The following SPIDR variants were observed in gnomAD, a reference collection of about 807,000 sequenced individuals.
The protein encoded by SPIDR is scaffold protein involved in DNA repair.
Under a neutral mutation model 104.6 loss-of-function variants are expected in SPIDR, and 93 were observed. The observed-to-expected ratio is 0.89, with a 90% CI of 0.75 to 1.06. The LOEUF (loss-of-function observed/expected upper bound fraction) is 1.06. Ranked by LOEUF, SPIDR falls within the 50% of genes least tolerant of loss-of-function variation. The probability of loss-of-function intolerance (pLI) is 0.00; values close to 1 mark genes in which losing one functional copy is unlikely to be tolerated. For missense variants in SPIDR, 1,154 were observed against 1,111.2 expected, an observed-to-expected ratio of 1.04 and a Z score of -0.55; for synonymous variants, 431 against 416.9, an observed-to-expected ratio of 1.03 and a Z score of -0.41.
chr8:47,511,015 G>A, intron 8 of SPIDR: 1 of 745,952 alleles, frequency 1.3e-6, no homozygotes, highest in Admixed American at 1.9e-5. Flanking sequence ...AGAGAGGCCA[G>A]GCAGCTGCCT....
intron 16 of SPIDR, among the ~76,000 whole-genome samples, chr8:47,715,184 G>C (rs971429314): frequency 1.3e-5 from 2 of 149,670 alleles, no homozygotes; most frequent in Non-Finnish European, 3.0e-5. Context: ...TTTTGTTTTT[G>C]TTTTTGTTTT....
chr8:47,377,990 A>G (rs1368740940), intron 5 of SPIDR, among the ~76,000 whole-genome samples: 1 of 152,242 alleles, frequency 6.6e-6, no homozygotes, highest in Non-Finnish European at 1.5e-5. Flanking sequence ...ATATGATTCT[A>G]TAAATCAAGC....
At chr8:47,707,705 T>G (rs953566170) in intron 14 of SPIDR, among the ~76,000 whole-genome samples, 1 of 152,240 alleles carries the variant, frequency 6.6e-6, no homozygotes, top group Non-Finnish European at 1.5e-5. Context: ...TCTTTTGTGT[T>G]CTTTTCCAGA....
intron 7 of SPIDR, among the ~76,000 whole-genome samples, chr8:47,428,583 G>A (rs1471942559): frequency 6.6e-6 from 1 of 152,076 alleles, no homozygotes; most frequent in African/African-American, 2.4e-5. Flanking sequence ...TTTCTCTGGG[G>A]ATTTTTTTAT....
intron 8 of SPIDR, among the ~76,000 whole-genome samples, chr8:47,484,034 A>G (rs1166466416): frequency 3.3e-5 from 5 of 152,176 alleles, no homozygotes; most frequent in Admixed American, 6.5e-5. Flanking sequence ...AACGATTTCT[A>G]TGATTGTCTA....
intron 5 of SPIDR, among the ~76,000 whole-genome samples, chr8:47,319,955 G>C (rs868994202): frequency 4.6e-5 from 7 of 151,892 alleles, no homozygotes; most frequent in African/African-American, 1.7e-4. Flanking sequence ...GCAGTGTGTA[G>C]AGGGAAATTT....
chr8:47,261,055 G>A, intron 1 of SPIDR, 64 bp downstream of exon 1: 7 of 1,223,920 alleles, frequency 5.7e-6, no homozygotes, highest in Non-Finnish European at 7.1e-6. Flanking sequence ...CGGCGGGCCG[G>A]CGCGGGGCTG....
chr8:47,545,695 A>G (rs1011561345), intron 8 of SPIDR, among the ~76,000 whole-genome samples: 4 of 152,142 alleles, frequency 2.6e-5, no homozygotes, highest in Non-Finnish European at 5.9e-5. Context: ...GAGAATAGAC[A>G]TTCTGGCTTG....
chr8:47,574,353 T>C (rs1352307292), intron 8 of SPIDR, among the ~76,000 whole-genome samples: 1 of 152,218 alleles, frequency 6.6e-6, no homozygotes, highest in Non-Finnish European at 1.5e-5. Flanking sequence ...TTTTTCCCTT[T>C]TTATTCTCAG....
chr8:47,262,781 C>T (rs1785591701), intron 1 of SPIDR, among the ~76,000 whole-genome samples: 1 of 152,174 alleles, frequency 6.6e-6, no homozygotes, highest in Non-Finnish European at 1.5e-5. Flanking sequence ...AGGCTGGCTT[C>T]CACAGTATTT....
chr8:47,701,198 C>T (rs1370770651), intron 12 of SPIDR, among the ~76,000 whole-genome samples: 2 of 152,164 alleles, frequency 1.3e-5, no homozygotes, highest in Admixed American at 6.5e-5. Context: ...CTTGGGAGGC[C>T]GAGGCAGGCA....
At chr8:47,552,291 T>G (rs1400906053) in intron 8 of SPIDR, among the ~76,000 whole-genome samples, 4 of 152,210 alleles carry the variant, frequency 2.6e-5, no homozygotes, top group Admixed American at 6.5e-5. Flanking sequence ...TTAGGTCTGC[T>G]AGGTGCAGAG....
chr8:47,369,447 C>T (rs1197456047), intron 5 of SPIDR, among the ~76,000 whole-genome samples: 1 of 152,202 alleles, frequency 6.6e-6, no homozygotes, highest in Non-Finnish European at 1.5e-5. Context: ...TTAATTCTCC[C>T]TCTTGACTTC....
At chr8:47,283,214 T>G (rs1554560295) in intron 2 of SPIDR, among the ~76,000 whole-genome samples, 114 of 152,212 alleles carry the variant, frequency 7.5e-4, no homozygotes, top group South Asian at 2.3e-3. Flanking sequence ...TTGAGCACTT[T>G]GAGGCGATTG....
intron 5 of SPIDR, among the ~76,000 whole-genome samples, chr8:47,384,928 C>T (rs1160488318): frequency 2.0e-5 from 3 of 152,192 alleles, no homozygotes; most frequent in Non-Finnish European, 4.4e-5. Context: ...TCCTCTCCTA[C>T]CCATGAGATC....
At chr8:47,621,888 C>T (rs2065222335) in intron 10 of SPIDR, among the ~76,000 whole-genome samples, 1 of 152,106 alleles carries the variant, frequency 6.6e-6, no homozygotes, top group Non-Finnish European at 1.5e-5. Context: ...TTGCTTGAAC[C>T]CGGGAGGCGG....
At chr8:47,670,501 A>G (rs962523221) in intron 10 of SPIDR, among the ~76,000 whole-genome samples, 1 of 152,178 alleles carries the variant, frequency 6.6e-6, no homozygotes, top group East Asian at 1.9e-4. Context: ...TGGATCGATT[A>G]CCAACAACTT....
chr8:47,596,607 G>A (rs1164317386), intron 9 of SPIDR, among the ~76,000 whole-genome samples: 3 of 151,982 alleles, frequency 2.0e-5, no homozygotes, highest in African/African-American at 2.4e-5. Context: ...TGAAGGCCTC[G>A]GACACTACTG....
intron 7 of SPIDR, among the ~76,000 whole-genome samples, chr8:47,423,287 ACT>A (rs1346368425): frequency 2.4e-5 from 3 of 127,318 alleles, no homozygotes; most frequent in Non-Finnish European, 1.7e-5. Context: ...ACAGAGCGAG[ACT>A]CTGTCTCAAA....
Sources: gnomAD v4.1 joint callset for allele counts (sites outside exome capture counted in the v4.1 genomes callset) on GRCh38, gnomAD v4.1.1 for gene constraint, MANE v1.5 for transcripts, NCBI Gene and HGNC (gene_info 2026-07-23, HGNC 2026-07-21) for gene names.